The following SFXN5 variants were observed in gnomAD, a reference collection of about 807,000 sequenced individuals.
SFXN5 encodes sideroflexin-5.
SFXN5 carries 43 observed loss-of-function variants against 50.2 expected under a neutral mutation model. That is an observed-to-expected ratio of 0.86 (90% CI 0.67 to 1.11). The LOEUF is 1.11. Among genes scored for constraint, SFXN5 ranks in the 50% least tolerant of loss-of-function variants. SFXN5 has a pLI of 0.00. For missense variants in SFXN5, 463 were observed against 454.1 expected (o/e 1.02, Z -0.18); for synonymous variants, 203 against 185.8 (o/e 1.09, Z -0.75).
intron 13 of SFXN5, chr2:72,957,072 C>G (rs1395566915): frequency 2.2e-6 from 1 of 456,692 alleles, no homozygotes; most frequent in Non-Finnish European, 4.4e-6. Flanking sequence ...CCCTTGGCTG[C>G]TTCTTCCCCT....
At chr2:73,070,869 G>T (rs972519344) in intron 1 of SFXN5, 1 of 152,714 alleles carries the variant, frequency 6.5e-6, no homozygotes, top group African/African-American at 2.4e-5. Context: ...AGGCTGGGGG[G>T]GGGTTCCCAG....
At chr2:73,003,693 C>T (rs1426262474) in intron 6 of SFXN5, among the ~76,000 whole-genome samples, 4 of 152,218 alleles carry the variant, frequency 2.6e-5, no homozygotes, top group Non-Finnish European at 4.4e-5. Flanking sequence ...CTAACCTTCC[C>T]TTTGTCTCAT....
chr2:72,977,421 G>A (rs1670754838), intron 10 of SFXN5, among the ~76,000 whole-genome samples: 1 of 151,934 alleles, frequency 6.6e-6, no homozygotes, highest in Non-Finnish European at 1.5e-5. Context: ...ATATGAGTAG[G>A]CAATTCATAA....
intron 6 of SFXN5, among the ~76,000 whole-genome samples, chr2:73,016,811 C>T (rs546814775): frequency 2.0e-5 from 3 of 152,144 alleles, no homozygotes; most frequent in African/African-American, 7.2e-5. Context: ...GATGTGGTTA[C>T]GCCTGATAAA....
In SFXN5 at chr2:72,945,239, GC is replaced by G; in HGVS notation, c.946-141del. 1.4e-6 allele frequency: 1 copy of G among 725,398 alleles called. No homozygotes were observed. The highest frequency in any genetic ancestry group is 2.4e-6 in the Non-Finnish European group (1 of 420,246). 44.9% of individuals were successfully genotyped at this position (725,398 alleles called of 1,614,324 possible). A position where few individuals can be genotyped will look rare whatever the true frequency, so the allele number is the denominator to read the frequency against. On this transcript the variant is annotated intron_variant, in intron 13 of 13. Transcript: ENST00000272433. The surrounding 1 kb of genome is among the most constrained non-coding windows in gnomAD (Gnocchi z 5.8). ...TGTCCACCCCAGCCAGGGCTCACAT[GC>G]CCTACCTAGTGACACATCTTCCTTC...
Position 73,023,096 on chromosome 2 carries a change from C to T in SFXN5, c.276+92G>A, listed in dbSNP as rs143414267. 7.1e-3 allele frequency: 9,596 copies of T among 1,342,586 alleles called. 55 individuals carry two copies. Among genetic ancestry groups the T allele is most frequent in the Middle Eastern group, 0.015 (77 of 5,174 alleles). 83.2% of individuals were successfully genotyped at this position (1,342,586 alleles called of 1,614,324 possible). ...CAAATGTGAGAGCCCGAAGAGCCAC[C>T]GGAGGGGGGCTTCCACTAGATCCCT... On this transcript the variant is annotated intron_variant, in intron 4 of 13. Coordinates refer to ENST00000272433, the MANE Select transcript of SFXN5 (RefSeq NM_144579.3).
chr2:73,048,216 T>C (rs1680770328), intron 2 of SFXN5, among the ~76,000 whole-genome samples: 1 of 152,212 alleles, frequency 6.6e-6, no homozygotes, highest in Non-Finnish European at 1.5e-5. Flanking sequence ...ATTGTATCAG[T>C]CATCCCAGTT....
intron 6 of SFXN5, among the ~76,000 whole-genome samples, chr2:73,014,600 A>C (rs898719634): frequency 6.6e-5 from 10 of 152,184 alleles, no homozygotes; most frequent in Admixed American, 1.3e-4. Context: ...TTATGACTGA[A>C]ATTACATTGA....
At chr2:73,042,990 C>A (rs1679843659) in intron 2 of SFXN5, among the ~76,000 whole-genome samples, 1 of 152,176 alleles carries the variant, frequency 6.6e-6, no homozygotes. Flanking sequence ...GTCATTTGAA[C>A]CTGGGGGGCA....
chr2:72,964,378 G>A (rs756679249), intron 12 of SFXN5, among the ~76,000 whole-genome samples: 1 of 152,258 alleles, frequency 6.6e-6, no homozygotes, highest in Non-Finnish European at 1.5e-5. Flanking sequence ...GCTATAGGGT[G>A]CGTGGCACGG....
intron 1 of SFXN5, among the ~76,000 whole-genome samples, chr2:73,068,890 G>C (rs1683368509): frequency 6.6e-6 from 1 of 151,920 alleles, no homozygotes; most frequent in South Asian, 2.1e-4. Flanking sequence ...GGATACACCA[G>C]GGATGAGGAA....
intron 2 of SFXN5, among the ~76,000 whole-genome samples, chr2:73,046,731 AT>A (rs889339381): frequency 1.1e-3 from 175 of 152,348 alleles, no homozygotes; most frequent in African/African-American, 4.0e-3. Context: ...GCCAAAATGT[AT>A]GCAGATGGAC....
At chr2:73,051,549 C>G (rs886380083) in intron 2 of SFXN5, among the ~76,000 whole-genome samples, 6 of 152,136 alleles carry the variant, frequency 3.9e-5, no homozygotes, top group African/African-American at 1.4e-4. Flanking sequence ...AGCCACCGCC[C>G]CCAGCCTTCC....
intron 6 of SFXN5, among the ~76,000 whole-genome samples, 177 bp from the exon 7 acceptor site, chr2:73,001,755 A>AGTTGC (rs774092187): frequency 1.6e-3 from 237 of 152,314 alleles, no homozygotes; most frequent in Middle Eastern, 6.8e-3. Context: ...GAAAAAACCA[A>AGTTGC]GTTGCAGAAT....
rs1671655143 is a variant in SFXN5, at chr2:72,943,710, T to A, written c.*1312A>T. On this transcript the variant is annotated 3_prime_UTR_variant, in exon 14 of 14. Coordinates refer to ENST00000272433, the MANE Select transcript of SFXN5 (RefSeq NM_144579.3). ...ACTGCTCCCGGGATATGGAGTCACA[T>A]ACACAAGGCAAGGCCTTCTGCTGAG... 2 of 152,910 alleles carry A rather than the reference T, an allele frequency of 1.3e-5. No individual in the cohort carries two copies. The highest frequency in any genetic ancestry group is 4.8e-5 in the African/African-American group (2 of 41,580). 9.5% of individuals were successfully genotyped at this position (152,910 alleles called of 1,614,324 possible). A position where few individuals can be genotyped will look rare whatever the true frequency, so the allele number is the denominator to read the frequency against.
intron 3 of SFXN5, among the ~76,000 whole-genome samples, chr2:73,038,982 A>C (rs1331626176): frequency 6.6e-6 from 1 of 152,164 alleles, no homozygotes; most frequent in African/African-American, 2.4e-5. Context: ...GCTGGAGTGC[A>C]GTGGCGTGAT....
chr2:73,055,004 A>C (rs1212510177), intron 2 of SFXN5, among the ~76,000 whole-genome samples: 1 of 152,250 alleles, frequency 6.6e-6, no homozygotes, highest in Non-Finnish European at 1.5e-5. Flanking sequence ...CTGTCAGGGT[A>C]ATTCCCACAT....
intron 10 of SFXN5, among the ~76,000 whole-genome samples, chr2:72,982,533 G>A (rs768276254): frequency 6.6e-6 from 1 of 152,164 alleles, no homozygotes; most frequent in Non-Finnish European, 1.5e-5. Context: ...GCCAGGCACC[G>A]AGGGGGCTGA....
chr2:72,958,828 C>T (rs528954570), intron 13 of SFXN5, among the ~76,000 whole-genome samples: 32 of 152,224 alleles, frequency 2.1e-4, no homozygotes, highest in African/African-American at 6.5e-4. Context: ...CAAGGCTGGC[C>T]GCTGTGGGCA....
Sources: gnomAD v4.1 joint callset for allele counts (sites outside exome capture counted in the v4.1 genomes callset) on GRCh38, gnomAD v4.1.1 for gene constraint, Gnocchi (gnomAD v3.1) non-coding constraint, MANE v1.5 for transcripts, NCBI Gene and HGNC (gene_info 2026-07-23, HGNC 2026-07-21) for gene names.